Variants in DAB2IP observed in about 807,000 individuals in gnomAD.
DAB2IP encodes DAB2 interacting protein, also known as disabled homolog 2-interacting protein.
In DAB2IP, 28 loss-of-function variants were observed where a neutral mutation model predicts 107.2. That is an observed-to-expected ratio of 0.26 (90% CI 0.19 to 0.36). DAB2IP has a LOEUF of 0.36. DAB2IP is among the 10% of genes least tolerant of loss of function. DAB2IP has a pLI of 1.00. For synonymous variants in DAB2IP, 755 were observed against 706.4 expected, an observed-to-expected ratio of 1.07 and a Z score of -1.09; for missense variants, 1,400 against 1,644.7, an observed-to-expected ratio of 0.85 and a Z score of 2.57.
intron 3 of DAB2IP, among the ~76,000 whole-genome samples, chr9:121,747,844 C>T (rs1320436432): frequency 6.9e-6 from 1 of 144,602 alleles, no homozygotes; most frequent in Non-Finnish European, 1.5e-5. Context: ...CTCTCTGCAC[C>T]CCTCCTCCCC....
intron 1 of DAB2IP, among the ~76,000 whole-genome samples, chr9:121,671,869 A>G (rs1301608952): frequency 6.6e-6 from 1 of 152,194 alleles, no homozygotes; most frequent in East Asian, 1.9e-4. Context: ...TGCTGCTACA[A>G]AGAGTGCTGC....
intron 1 of DAB2IP, among the ~76,000 whole-genome samples, chr9:121,602,221 G>T (rs1273505701): frequency 6.6e-6 from 1 of 152,190 alleles, no homozygotes; most frequent in Non-Finnish European, 1.5e-5. Context: ...CTTAAGATGG[G>T]TATGCTGTTC....
exon 16 of DAB2IP, chr9:121,783,347 T>C: frequency 4.8e-6 from 7 of 1,466,042 alleles, no homozygotes; most frequent in Non-Finnish European, 6.3e-6. Context: ...GCCAGATGGC[T>C]CTGAGCACTG....
intron 2 of DAB2IP, among the ~76,000 whole-genome samples, chr9:121,695,240 CT>C (rs2118710825): frequency 6.6e-6 from 1 of 152,326 alleles, no homozygotes; most frequent in South Asian, 2.1e-4. Context: ...CCCTGTCCCC[CT>C]GCCGGGCGGC....
intron 1 of DAB2IP, among the ~76,000 whole-genome samples, chr9:121,619,190 A>G (rs1831375471): frequency 1.3e-5 from 2 of 152,224 alleles, no homozygotes. Context: ...TCTGTTGCCC[A>G]GGCTGGAATG....
chr9:121,685,317 T>C (rs1409712217), intron 2 of DAB2IP, among the ~76,000 whole-genome samples: 1 of 152,052 alleles, frequency 6.6e-6, no homozygotes, highest in Non-Finnish European at 1.5e-5. Context: ...TTGTCCGGGG[T>C]GGCCAGGGTG....
At chr9:121,581,305 C>T (rs905395870) in intron 1 of DAB2IP, among the ~76,000 whole-genome samples, 4 of 152,172 alleles carry the variant, frequency 2.6e-5, no homozygotes, top group African/African-American at 9.7e-5. Context: ...CCTCCAGTTC[C>T]CTGTTTAGTG....
chr9:121,615,097 A>G (rs1381281341), intron 1 of DAB2IP, among the ~76,000 whole-genome samples: 1 of 152,000 alleles, frequency 6.6e-6, no homozygotes, highest in Non-Finnish European at 1.5e-5. Context: ...TGGCCCCTCA[A>G]CCTTAACTGC....
intron 2 of DAB2IP, among the ~76,000 whole-genome samples, chr9:121,690,426 C>T (rs1271375604): frequency 6.6e-6 from 1 of 152,166 alleles, no homozygotes; most frequent in African/African-American, 2.4e-5. Flanking sequence ...GGGTATCCAA[C>T]TCCCCACCCC....
At position 121,594,445 on chromosome 9, in the gene DAB2IP, C is replaced by G. The variant is rs545009365; in HGVS notation, c.40+27217C>G. On this transcript the variant is annotated intron_variant, in intron 1 of 16. Transcript: ENST00000259371. ...AGAGATGAGGTTTCACCATGTTGAC[C>G]AGGCTGGTCTCGAACTCCTGACCTC... 5.3e-5 allele frequency among the ~76,000 whole-genome samples: 8 copies of G among 152,110 alleles called. No individual in the cohort carries two copies. In the South Asian group the frequency reaches 1.7e-3, roughly 32 times the overall value.
rs548703392 is a variant in DAB2IP at position 121,687,619 on chromosome 9, C to T, written c.228+8838C>T. Among the ~76,000 whole-genome samples the T allele has an allele frequency of 1.9e-4, 29 of 152,312 alleles. No individual in the cohort carries two copies. In the East Asian group the frequency reaches 3.9e-3, roughly 20 times the overall value. On this transcript the variant is annotated intron_variant, in intron 2 of 15. Coordinates refer to ENST00000408936, the Ensembl canonical transcript of DAB2IP. ...AGCTCTACCACCTCTGCTGTCTGTA[C>T]GATGGGGGATTTTGAATCCTGTTCT...
chr9:121,660,816 G>A (rs1022122877), intron 1 of DAB2IP, among the ~76,000 whole-genome samples: 3 of 152,088 alleles, frequency 2.0e-5, no homozygotes, highest in African/African-American at 7.2e-5. Context: ...ATACTAAATG[G>A]TGTTCTTTTT....
intron 2 of DAB2IP, among the ~76,000 whole-genome samples, chr9:121,697,669 A>G (rs1829494582): frequency 6.6e-6 from 1 of 152,196 alleles, no homozygotes. Flanking sequence ...ACCCTGATGG[A>G]TAATTCCAGG....
At chr9:121,654,010 T>A (rs1396108005) in intron 1 of DAB2IP, among the ~76,000 whole-genome samples, 2 of 152,114 alleles carry the variant, frequency 1.3e-5, no homozygotes, top group African/African-American at 2.4e-5. Context: ...TTGAGTCAGA[T>A]CTGGGTTCAA....
intron 2 of DAB2IP, among the ~76,000 whole-genome samples, chr9:121,697,872 C>T (rs1457538416): frequency 1.3e-5 from 2 of 152,192 alleles, no homozygotes; most frequent in Admixed American, 1.3e-4. Context: ...ATCTTGAAAG[C>T]TCTTGAATTA....
At chr9:121,720,911 T>C (rs1830890287) in intron 3 of DAB2IP, among the ~76,000 whole-genome samples, 1 of 152,172 alleles carries the variant, frequency 6.6e-6, no homozygotes, top group Non-Finnish European at 1.5e-5. Flanking sequence ...ACTCTGACCT[T>C]GAAAACCCTG....
intron 1 of DAB2IP, among the ~76,000 whole-genome samples, chr9:121,600,630 A>G (rs1830659451): frequency 6.6e-6 from 1 of 152,160 alleles, no homozygotes; most frequent in Admixed American, 6.5e-5. Context: ...AATCTTTAAC[A>G]TTAGTCCTCC....
At chr9:121,629,503 C>T (rs538392071) in intron 1 of DAB2IP, among the ~76,000 whole-genome samples, 1 of 152,296 alleles carries the variant, frequency 6.6e-6, no homozygotes, top group South Asian at 2.1e-4. Flanking sequence ...GCTGGCCGGG[C>T]AGGCGCCGGG....
intron 1 of DAB2IP, among the ~76,000 whole-genome samples, chr9:121,668,553 ATTTGT>A (rs1244511688): frequency 1.3e-5 from 2 of 151,596 alleles, no homozygotes; most frequent in African/African-American, 2.4e-5. Context: ...GTGGATTTTA[ATTTGT>A]TTTGTTTTGT....
Sources: gnomAD v4.1 joint callset for allele counts (sites outside exome capture counted in the v4.1 genomes callset) on GRCh38, gnomAD v4.1.1 for gene constraint, MANE v1.5 for transcripts, NCBI Gene and HGNC (gene_info 2026-07-23, HGNC 2026-07-21) for gene names.